Variants in JAKMIP1 observed in about 807,000 individuals in gnomAD.
JAKMIP1 encodes the protein janus kinase and microtubule-interacting protein 1.
JAKMIP1 carries 33 observed loss-of-function variants against 113.0 expected under a neutral mutation model. The ratio of observed to expected loss-of-function variants is 0.29; its 90% CI spans 0.22 to 0.39. JAKMIP1 has a LOEUF of 0.39. JAKMIP1 is among the 10% of genes least tolerant of loss of function. The pLI is 1.00. For missense variants in JAKMIP1, 813 were observed against 1,080.5 expected (o/e 0.75, Z 3.47); for synonymous variants, 480 against 459.9 (o/e 1.04, Z -0.56).
intron 2 of JAKMIP1, among the ~76,000 whole-genome samples, chr4:6,107,702 C>T (rs1408212242): frequency 1.3e-5 from 2 of 152,202 alleles, no homozygotes; most frequent in South Asian, 4.1e-4. Context: ...GCCAGCCCCA[C>T]AACCGCATAA....
At position 6,080,570 on chromosome 4, in the gene JAKMIP1, C is replaced by T. The variant is rs775448875; in HGVS notation, c.1102-258G>A. On this transcript the variant is annotated intron_variant, in intron 6 of 20. Transcript: ENST00000409021. The surrounding 1 kb of genome is among the most constrained non-coding windows in gnomAD (Gnocchi z 6.0). ...GTGGCGGTTTCTCTCATACTATTCTCGTGGTTGTGAATAAGTCTCTGATGT... is the reference window on the plus strand; with the variant it reads ...GTGGCGGTTTCTCTCATACTATTCTTGTGGTTGTGAATAAGTCTCTGATGT... Among the ~76,000 whole-genome samples the T allele has an allele frequency of 4.8e-4, 73 of 152,222 alleles. No homozygotes were observed. Among genetic ancestry groups the T allele is most frequent in the South Asian group, 2.1e-4 (1 of 4,798 alleles).
intron 11 of JAKMIP1, among the ~76,000 whole-genome samples, chr4:6,058,542 AC>A (rs1295085624): frequency 6.6e-6 from 1 of 152,114 alleles, no homozygotes. Flanking sequence ...GTTCTCTATT[AC>A]CTTTACCTAT....
Position 6,139,004 on chromosome 4 carries a change from T to C in JAKMIP1, c.-147-26007A>G, listed in dbSNP as rs1318231277. 6.6e-6 allele frequency among the ~76,000 whole-genome samples: 1 copy of C among 151,740 alleles called. No individual in the cohort carries two copies. Among genetic ancestry groups the C allele is most frequent in the Non-Finnish European group, 1.5e-5 (1 of 67,980 alleles). ...CTCCCCACCCCACCCTGTCTGTTCA[T>C]CCTCCATGGCCTTAGTCAAGCTGTT... On this transcript the variant is annotated intron_variant, in intron 1 of 20. Coordinates refer to ENST00000409021, the MANE Select transcript of JAKMIP1 (RefSeq NM_001099433.2). This position sits in a 1 kb window ranked among gnomAD's most constrained non-coding sequence, Gnocchi z 5.2.
In JAKMIP1 at chr4:6,138,722, T is replaced by C. The variant is rs1719628648; in HGVS notation, c.-147-25725A>G. On this transcript the variant is annotated intron_variant, in intron 1 of 20. Coordinates refer to ENST00000409021, the MANE Select transcript of JAKMIP1 (RefSeq NM_001099433.2). This position sits in a 1 kb window ranked among gnomAD's most constrained non-coding sequence, Gnocchi z 6.0. ...GGCGTGTTCTCAACGGCCAGCTCTG[T>C]CTCAGAATGGGTACGAATCTTGACT... Among the ~76,000 whole-genome samples, 1 of 152,124 alleles carries C rather than the reference T, an allele frequency of 6.6e-6. No homozygotes were observed. Among genetic ancestry groups the C allele is most frequent in the Non-Finnish European group, 1.5e-5 (1 of 68,034 alleles).
intron 9 of JAKMIP1, among the ~76,000 whole-genome samples, chr4:6,063,703 T>C (rs16838164): frequency 0.085 from 12,976 of 152,222 alleles, 902 homozygotes; most frequent in African/African-American, 0.18. Context: ...TGTGCCACAT[T>C]TTCCTATGGC....
chr4:6,148,525 C>A (rs746612609), intron 1 of JAKMIP1, among the ~76,000 whole-genome samples: 1 of 152,254 alleles, frequency 6.6e-6, no homozygotes, highest in Non-Finnish European at 1.5e-5. Flanking sequence ...CTGCGCCGGG[C>A]GCATCCTCCT....
intron 1 of JAKMIP1, among the ~76,000 whole-genome samples, chr4:6,171,228 T>TCA (rs1560319034): frequency 8.4e-5 from 11 of 130,850 alleles, no homozygotes; most frequent in Middle Eastern, 9.8e-3. Flanking sequence ...ACCACCACCA[T>TCA]TCCCACTGCC....
chr4:6,116,698 T>C lies in JAKMIP1; in HGVS notation c.-147-3701A>G. Among the ~76,000 whole-genome samples the C allele has an allele frequency of 6.6e-6, 1 of 152,118 alleles. No individual in the cohort carries two copies. The highest frequency in any genetic ancestry group is 1.9e-4 in the East Asian group (1 of 5,186). ...GCAGTGCCGGTGCCCTTTAACTGCC[T>C]ACAGGAAATTAATATACCGGGCATG... On this transcript the variant is annotated intron_variant, in intron 1 of 20. Transcript: ENST00000409021. The surrounding 1 kb of genome is among the most constrained non-coding windows in gnomAD (Gnocchi z 5.1).
At chr4:6,126,053 C>T (rs577661556) in intron 1 of JAKMIP1, among the ~76,000 whole-genome samples, 164 of 142,822 alleles carry the variant, frequency 1.1e-3, no homozygotes, top group African/African-American at 3.5e-3. Flanking sequence ...CACACAAACA[C>T]GCACCGTGCA....
rs1413208470 is a variant in JAKMIP1 at position 6,050,905 on chromosome 4, G to C, written c.1807-226C>G. Among the ~76,000 whole-genome samples the C allele has an allele frequency of 6.6e-6, 1 of 152,188 alleles. No individual in the cohort carries two copies. The highest frequency in any genetic ancestry group is 2.4e-5 in the African/African-American group (1 of 41,440). ...TGTTTACTTCTTCCCTATTCATCTA[G>C]GGAGAAATGGTTAACAGGGTACCGT... On this transcript the variant is annotated intron_variant, in intron 13 of 20. Transcript: ENST00000409021. The surrounding 1 kb of genome is among the most constrained non-coding windows in gnomAD (Gnocchi z 7.4).
chr4:6,047,248 C>T (rs527429388), intron 16 of JAKMIP1, among the ~76,000 whole-genome samples: 2 of 152,366 alleles, frequency 1.3e-5, no homozygotes, highest in Admixed American at 6.5e-5. Context: ...GACATCTCCA[C>T]GTCTCCCAGG....
chr4:6,159,772 T>C (rs1023028623), intron 1 of JAKMIP1, among the ~76,000 whole-genome samples: 1 of 152,240 alleles, frequency 6.6e-6, no homozygotes, highest in African/African-American at 2.4e-5. Flanking sequence ...TTCTATTCAA[T>C]GTGGACTGCT....
chr4:6,109,972 G>A (rs1054765678), intron 2 of JAKMIP1, among the ~76,000 whole-genome samples: 7 of 152,146 alleles, frequency 4.6e-5, no homozygotes, highest in African/African-American at 7.2e-5. Flanking sequence ...ATCAGCCAGC[G>A]TGCATCCAAG....
rs1488110539 is a variant in JAKMIP1, at chr4:6,193,613, C to G, written c.-148+6640G>C. On this transcript the variant is annotated intron_variant, in intron 1 of 20. Coordinates refer to ENST00000409021, the MANE Select transcript of JAKMIP1 (RefSeq NM_001099433.2). This position sits in a 1 kb window ranked among gnomAD's most constrained non-coding sequence, Gnocchi z 6.4. ...CTGTGCCAGCTGCCTCTCTGGGGCA[C>G]TCGGCTGGCTCCCGCATCGTCCCTC... Among the ~76,000 whole-genome samples, 1 of 152,194 alleles carries G rather than the reference C, an allele frequency of 6.6e-6. No homozygotes were observed. The highest frequency in any genetic ancestry group is 1.5e-5 in the Non-Finnish European group (1 of 68,040).
intron 18 of JAKMIP1, among the ~76,000 whole-genome samples, chr4:6,038,432 C>G (rs947132100): frequency 6.9e-6 from 1 of 145,780 alleles, no homozygotes; most frequent in Non-Finnish European, 1.5e-5. Context: ...CAGTAGCCCT[C>G]CATCACCGAG....
intron 1 of JAKMIP1, among the ~76,000 whole-genome samples, chr4:6,118,712 G>A (rs543074708): frequency 1.1e-4 from 16 of 152,032 alleles, no homozygotes; most frequent in Non-Finnish European, 1.8e-4. Context: ...GAAGGACTGG[G>A]ACCCTGGACT....
intron 16 of JAKMIP1, among the ~76,000 whole-genome samples, chr4:6,046,279 C>T (rs1714983460): frequency 6.6e-6 from 1 of 152,222 alleles, no homozygotes; most frequent in African/African-American, 2.4e-5. Context: ...CCAACATCCT[C>T]TCCAAGCTGG....
chr4:6,060,188 C>A (rs954339803), intron 11 of JAKMIP1, among the ~76,000 whole-genome samples: 1 of 152,162 alleles, frequency 6.6e-6, no homozygotes, highest in Non-Finnish European at 1.5e-5. Context: ...GGCAAACAAA[C>A]AAAGAAAAAG....
rs1721692388 is a variant in JAKMIP1 at position 6,089,142 on chromosome 4, C to A, written c.625-3513G>T. Among the ~76,000 whole-genome samples, 1 of 152,180 alleles carries A rather than the reference C, an allele frequency of 6.6e-6. No homozygotes were observed. The highest frequency in any genetic ancestry group is 1.5e-5 in the Non-Finnish European group (1 of 68,040). On this transcript the variant is annotated intron_variant, in intron 3 of 20. Coordinates refer to ENST00000409021, the MANE Select transcript of JAKMIP1 (RefSeq NM_001099433.2). This position sits in a 1 kb window ranked among gnomAD's most constrained non-coding sequence, Gnocchi z 5.3. ...TGGCACAGTGGTGGCATCCCCCCAG[C>A]ACAGCATGAGAGCCCACAGCCTGGG...
Sources: gnomAD v4.1 joint callset for allele counts (sites outside exome capture counted in the v4.1 genomes callset) on GRCh38, gnomAD v4.1.1 for gene constraint, Gnocchi (gnomAD v3.1) non-coding constraint, MANE v1.5 for transcripts, NCBI Gene and HGNC (gene_info 2026-07-23, HGNC 2026-07-21) for gene names.